The following SPATA31C1 variants were observed in gnomAD, a reference collection of about 807,000 sequenced individuals.
SPATA31C1 encodes the protein SPATA31 subfamily C member 1.
At chr9:87,922,193 C>T in exon 5 of SPATA31C1, 1 of 1,613,242 alleles carries the variant, frequency 6.2e-7, no homozygotes, top group Non-Finnish European at 8.5e-7. Context: ...ATCATGGGTC[C>T]TTGAAGGCTC....
At chr9:87,919,230 C>T (rs1441070903) in intron 2 of SPATA31C1, 25 bp from the exon 2 acceptor site, 3 of 1,602,144 alleles carry the variant, frequency 1.9e-6, no homozygotes, top group Non-Finnish European at 2.6e-6. Flanking sequence ...CCGGTCCTAG[C>T]TCCTCGCCAT....
rs753758153 is a variant in SPATA31C1 at position 87,921,412 on chromosome 9, G to A, written n.1802G>A. 3.7e-5 allele frequency: 59 copies of A among 1,611,704 alleles called. No homozygotes were observed. The African/African-American group carries it at 6.8e-4, about 19-fold the overall frequency. The stretch of plus-strand genomic sequence containing the variant: ...CCCTGGCAGTCCTCCACGTCCACAG[G>A]TGAAAGCAGCAAGGAGGCACAGACG... On this transcript the variant is annotated non_coding_transcript_exon_variant, in exon 5 of 5. Transcript: ENST00000420021.
At chr9:87,919,116 C>T (rs1477135683) in intron 2 of SPATA31C1, 139 bp from the exon 2 acceptor site, 3 of 1,321,612 alleles carry the variant, frequency 2.3e-6, no homozygotes, top group East Asian at 2.7e-5. Flanking sequence ...TCCATTTAAA[C>T]ATGAGTGGGA....
At chr9:87,920,863 A>C in exon 5 of SPATA31C1, 2 of 1,613,498 alleles carry the variant, frequency 1.2e-6, no homozygotes, top group Non-Finnish European at 1.7e-6. Flanking sequence ...CGCCAAAGGG[A>C]CACCACAATG....
intron 4 of SPATA31C1, 90 bp downstream of exon 3, chr9:87,920,066 G>T (rs640879): frequency 1.2e-6 from 2 of 1,606,496 alleles, no homozygotes; most frequent in Non-Finnish European, 1.7e-6. Flanking sequence ...CCTGGGATGG[G>T]GAGACCAGGG....
At chr9:87,920,825 C>G (rs754250700) in exon 5 of SPATA31C1, 9 of 1,613,724 alleles carry the variant, frequency 5.6e-6, no homozygotes, top group Admixed American at 3.3e-5. Flanking sequence ...GCATCTTCAA[C>G]TCGTCAGTCC....
exon 5 of SPATA31C1, chr9:87,921,111 C>T (rs754127429): frequency 4.3e-6 from 7 of 1,611,692 alleles, no homozygotes; most frequent in Non-Finnish European, 5.9e-6. Flanking sequence ...TGAAACTCAG[C>T]ACCCTGAAAG....
At chr9:87,919,034 T>C (rs191762726) in intron 2 of SPATA31C1, 1 of 631,680 alleles carries the variant, frequency 1.6e-6, no homozygotes, top group Non-Finnish European at 2.7e-6. Context: ...CCTCCCAAAG[T>C]GCTTGGATTA....
exon 5 of SPATA31C1, chr9:87,922,632 C>G (rs1230598954): frequency 6.2e-7 from 1 of 1,608,788 alleles, no homozygotes; most frequent in Non-Finnish European, 8.5e-7. Flanking sequence ...GCCCCAGGGC[C>G]ATCTCCAGAG....
At chr9:87,917,022 T>C (rs1182364297) in intron 1 of SPATA31C1, among the ~76,000 whole-genome samples, 17 of 120,424 alleles carry the variant, frequency 1.4e-4, no homozygotes, top group African/African-American at 4.7e-4. Context: ...CTGCAGGTCC[T>C]GCACATGTAC....
chr9:87,915,228 G>C (rs1164043735), intron 1 of SPATA31C1, among the ~76,000 whole-genome samples: 47 of 101,648 alleles, frequency 4.6e-4, no homozygotes, highest in Non-Finnish European at 6.6e-4. Flanking sequence ...CTGAGCCTGG[G>C]TGTTCCTGGA....
chr9:87,920,792 G>A lies in SPATA31C1; in HGVS notation n.1182G>A, dbSNP rs143264409. On this transcript the variant is annotated non_coding_transcript_exon_variant, in exon 5 of 5. Coordinates refer to ENST00000420021, the Ensembl canonical transcript of SPATA31C1. The stretch of plus-strand genomic sequence containing the variant: ...GTCAAGTTTCTGCCCTCTCCTGGTC[G>A]CAGGAGACTACCAAAACCTGGTGCA... 6,731 of 1,613,844 alleles carry A rather than the reference G, an allele frequency of 4.2e-3. 247 individuals are homozygous for A. In the African/African-American group the frequency reaches 0.076, roughly 18 times the overall value.
rs868190862 is a variant in SPATA31C1 at position 87,915,614 on chromosome 9, T to C, written n.189+904T>C. 4.1e-5 allele frequency among the ~76,000 whole-genome samples: 6 copies of C among 145,518 alleles called. 2 individuals carry two copies. The highest frequency in any genetic ancestry group is 7.6e-5 in the Non-Finnish European group (5 of 65,446). Reference sequence around the variant, plus strand: ...CCGCGCCCGGCTGATCCTTTTTTTTTTAATAAAGACATGAGGTTAGATTGA... The same window carrying C: ...CCGCGCCCGGCTGATCCTTTTTTTTCTAATAAAGACATGAGGTTAGATTGA... On this transcript the variant is annotated intron_variant and non_coding_transcript_variant, in intron 1 of 4. Coordinates refer to ENST00000420021, the Ensembl canonical transcript of SPATA31C1.
In SPATA31C1 at chr9:87,916,993, T is replaced by C. The variant is rs528807931; in HGVS notation, n.190-854T>C. 1.2e-3 allele frequency among the ~76,000 whole-genome samples: 105 copies of C among 85,606 alleles called. 2 individuals are homozygous for C. Among genetic ancestry groups the C allele is most frequent in the South Asian group, 0.01 (17 of 1,640 alleles). The allele number at this position is 85,606 out of a possible 152,430, so 56.2% of individuals were successfully genotyped here. ...GCCTGGGCAACAGAGTGAGACTCCA[T>C]CTCAAAAAGAAAGGAAAACTGCAGG... On this transcript the variant is annotated intron_variant and non_coding_transcript_variant, in intron 1 of 4. Coordinates refer to ENST00000420021, the Ensembl canonical transcript of SPATA31C1.
exon 5 of SPATA31C1, chr9:87,921,677 G>A (rs1828873376): frequency 6.2e-7 from 1 of 1,611,910 alleles, no homozygotes; most frequent in South Asian, 1.1e-5. Flanking sequence ...GCAGAAAGTT[G>A]GGCCAGACCA....
Position 87,920,244 on chromosome 9 carries a change from T to C in SPATA31C1, n.642-8T>C. The C allele has an allele frequency of 6.2e-7, 1 of 1,612,936 alleles. No homozygotes were observed. Among genetic ancestry groups the C allele is most frequent in the Middle Eastern group, 1.8e-4 (1 of 5,680 alleles). The stretch of plus-strand genomic sequence containing the variant: ...CTGGCTGCAGCTTGTGCCTCCTGTC[T>C]CCTGCAGCCTCCTGGGGCCACACCT... On this transcript the variant is annotated splice_region_variant and splice_polypyrimidine_tract_variant and intron_variant and non_coding_transcript_variant, in intron 4 of 4. Transcript: ENST00000420021.
chr9:87,921,864 G>C, exon 5 of SPATA31C1: 1 of 1,612,042 alleles, frequency 6.2e-7, no homozygotes, highest in Non-Finnish European at 8.5e-7. Flanking sequence ...GCAGGTGCTG[G>C]AAGCCCATAT....
chr9:87,921,777 A>T (rs1279648132), exon 5 of SPATA31C1: 1 of 1,612,016 alleles, frequency 6.2e-7, no homozygotes, highest in Admixed American at 1.7e-5. Context: ...GAAAACCAGC[A>T]ATCTAGCAGC....
chr9:87,920,811 T>C (rs1327436970), exon 5 of SPATA31C1: 1 of 1,613,882 alleles, frequency 6.2e-7, no homozygotes, highest in Admixed American at 1.7e-5. Context: ...TACCAAAACC[T>C]GGTGCATCTT....
Sources: gnomAD v4.1 joint callset for allele counts (sites outside exome capture counted in the v4.1 genomes callset) on GRCh38, gnomAD v4.1.1 for gene constraint, MANE v1.5 for transcripts, NCBI Gene and HGNC (gene_info 2026-07-23, HGNC 2026-07-21) for gene names.